Variants in COL24A1 observed in about 807,000 individuals in gnomAD.
COL24A1 encodes collagen alpha-1(XXIV) chain.
COL24A1 carries 224 observed loss-of-function variants against 253.9 expected under a neutral mutation model. That is an observed-to-expected ratio of 0.88 (90% CI 0.79 to 0.99). The LOEUF is 0.99. COL24A1 is among the 50% of genes least tolerant of loss of function. The pLI is 0.00. For synonymous variants in COL24A1, 685 were observed against 673.7 expected (o/e 1.02, Z -0.26); for missense variants, 2,131 against 2,068.5 (o/e 1.03, Z -0.59).
intron 13 of COL24A1, 121 bp from the exon 14 acceptor site, chr1:86,032,043 C>T (rs1698616344): frequency 1.4e-6 from 1 of 699,588 alleles, no homozygotes. Context: ...TCTACTATAG[C>T]TAACTTCTGA....
intron 19 of COL24A1, among the ~76,000 whole-genome samples, chr1:85,996,210 GA>G (rs761321440): frequency 1.3e-5 from 2 of 152,060 alleles, no homozygotes; most frequent in Admixed American, 6.6e-5. Flanking sequence ...TCTTTTGAGA[GA>G]AAATAGAAAT....
intron 24 of COL24A1, among the ~76,000 whole-genome samples, chr1:85,924,594 G>A (rs1686961157): frequency 6.6e-6 from 1 of 152,146 alleles, no homozygotes; most frequent in Non-Finnish European, 1.5e-5. Context: ...AATAGATGCA[G>A]AAAAGGCCTT....
intron 57 of COL24A1, among the ~76,000 whole-genome samples, chr1:85,741,597 C>G (rs1032277463): frequency 2.0e-5 from 3 of 152,104 alleles, no homozygotes; most frequent in African/African-American, 7.2e-5. Context: ...AACTTTTGAC[C>G]CCTACCTCCT....
intron 43 of COL24A1, among the ~76,000 whole-genome samples, chr1:85,834,153 A>G (rs762853389): frequency 1.3e-5 from 2 of 152,104 alleles, no homozygotes; most frequent in Admixed American, 6.6e-5. Flanking sequence ...ATACAAAAAA[A>G]TGGTGAGAGC....
chr1:85,778,461 C>A (rs1668820204), intron 52 of COL24A1, among the ~76,000 whole-genome samples: 1 of 151,892 alleles, frequency 6.6e-6, no homozygotes, highest in Non-Finnish European at 1.5e-5. Flanking sequence ...TTTTCCCAAT[C>A]AATAGTACTT....
In COL24A1 at chr1:85,914,300, ATGAATG is replaced by A. The variant is rs1382959574; in HGVS notation, c.2563-2873_2563-2868del. 4.1e-5 allele frequency among the ~76,000 whole-genome samples: 5 copies of A among 120,864 alleles called. No homozygotes were observed. The East Asian group carries it at 1.3e-3, about 31-fold the overall frequency. The allele number at this position is 120,864 out of a possible 152,430, so 79.3% of individuals were successfully genotyped here. On this transcript the variant is annotated intron_variant, in intron 24 of 59. Transcript: ENST00000370571. ...ATGAGTATTTCATCGTTATTTTGTC[ATGAATG>A]TGTGTGTGTGTGTGTGTGTGTGTGT...
At chr1:85,867,932 A>G (rs313773) in intron 37 of COL24A1, among the ~76,000 whole-genome samples, 119,444 of 151,988 alleles carry the variant, frequency 0.79, 47,297 homozygotes, top group Non-Finnish European at 0.84. Context: ...TTTGGTGGAG[A>G]AGGGGTTTCA....
At position 85,868,829 on chromosome 1, in the gene COL24A1, G is replaced by C. The variant is rs920324835; in HGVS notation, c.3145C>G (p.Pro1049Ala). The change falls in exon 36 of 60, where the codon CCA becomes GCA. Residue 1049 changes from proline (P) to alanine (A), a missense_variant. By Grantham distance (27) the Pro-to-Ala change is conservative. Coordinates refer to ENST00000370571, the MANE Select transcript of COL24A1 (RefSeq NM_152890.7). ...AGACCTTCTTCTCCAGGAGCTCCTGGTTCACCCTATTTTGTAGCAGAAAGA... is the reference window on the plus strand; with the variant it reads ...AGACCTTCTTCTCCAGGAGCTCCTGCTTCACCCTATTTTGTAGCAGAAAGA... ...GTGEPGLRGE[P>A]GAPGEEGLQG... 3 of 1,586,966 alleles carry C rather than the reference G, an allele frequency of 1.9e-6. No homozygotes were observed. Among genetic ancestry groups the C allele is most frequent in the Middle Eastern group, 2.2e-4 (1 of 4,638 alleles).
chr1:85,969,604 C>CAAAAAAAAAAAAAAAAAAAAAA lies in COL24A1; in HGVS notation c.2463+601_2463+622dup, dbSNP rs61128567. 7.3e-5 allele frequency among the ~76,000 whole-genome samples: 2 copies of CAAAAAAAAAAAAAAAAAAAAAA among 27,476 alleles called. 1 individual carries two copies. Among genetic ancestry groups the CAAAAAAAAAAAAAAAAAAAAAA allele is most frequent in the Non-Finnish European group, 1.2e-4 (2 of 16,760 alleles). 18.0% of individuals were successfully genotyped at this position (27,476 alleles called of 152,430 possible). A position where few individuals can be genotyped will look rare whatever the true frequency, so the allele number is the denominator to read the frequency against. On this transcript the variant is annotated intron_variant, in intron 22 of 59. Transcript: ENST00000370571. The stretch of plus-strand genomic sequence containing the variant: ...TGGATGACAGAGTGAGACTCTGTCT[C>CAAAAAAAAAAAAAAAAAAAAAA]AAAAAAAAAAAAAAAAAAAAAAAAA...
intron 43 of COL24A1, among the ~76,000 whole-genome samples, chr1:85,834,010 A>C (rs1261635861): frequency 6.6e-6 from 1 of 151,568 alleles, no homozygotes; most frequent in East Asian, 1.9e-4. Context: ...AGCTATACCT[A>C]ATGCTAAATG....
intron 20 of COL24A1, among the ~76,000 whole-genome samples, chr1:85,976,207 A>T (rs1033813383): frequency 2.6e-5 from 4 of 152,152 alleles, no homozygotes; most frequent in Non-Finnish European, 5.9e-5. Context: ...CGAGGCCTGA[A>T]AGCCTTGCTT....
intron 2 of COL24A1, among the ~76,000 whole-genome samples, chr1:86,136,524 T>C (rs1650277551): frequency 6.6e-6 from 1 of 152,104 alleles, no homozygotes; most frequent in Non-Finnish European, 1.5e-5. Flanking sequence ...GAAGATAGTA[T>C]CTCTTGGTTT....
At chr1:85,838,561 G>A (rs770212757) in intron 43 of COL24A1, 24 bp downstream of exon 43, 6 of 1,601,920 alleles carry the variant, frequency 3.7e-6, no homozygotes, top group Admixed American at 1.7e-5. Context: ...AAATTCATTA[G>A]TAAGGGGTAT....
chr1:86,149,676 T>A (rs1489285124), intron 1 of COL24A1, among the ~76,000 whole-genome samples: 1 of 152,094 alleles, frequency 6.6e-6, no homozygotes, highest in Non-Finnish European at 1.5e-5. Context: ...CATTTAGCAA[T>A]TCAACAAACT....
intron 24 of COL24A1, among the ~76,000 whole-genome samples, chr1:85,916,776 C>G (rs1163024217): frequency 1.3e-5 from 2 of 152,158 alleles, no homozygotes; most frequent in Non-Finnish European, 2.9e-5. Context: ...AAGAAGAACT[C>G]ATACATACAC....
intron 42 of COL24A1, among the ~76,000 whole-genome samples, chr1:85,839,988 C>A (rs927378829): frequency 4.6e-5 from 7 of 152,046 alleles, no homozygotes; most frequent in Non-Finnish European, 8.8e-5. Flanking sequence ...TATTATAGAG[C>A]ATTAATTGAC....
chr1:86,108,500 G>C (rs535077903), intron 5 of COL24A1, among the ~76,000 whole-genome samples: 1 of 151,390 alleles, frequency 6.6e-6, no homozygotes, highest in South Asian at 2.1e-4. Flanking sequence ...AAGGACTCTC[G>C]GGCTGGTCGC....
intron 32 of COL24A1, among the ~76,000 whole-genome samples, chr1:85,881,038 CAT>C (rs549569719): frequency 1.5e-4 from 23 of 152,204 alleles, no homozygotes; most frequent in Non-Finnish European, 2.9e-4. Flanking sequence ...ATAATGGCCT[CAT>C]GTGTGTGGCC....
At chr1:85,941,269 T>C (rs1336191190) in intron 24 of COL24A1, among the ~76,000 whole-genome samples, 2 of 152,194 alleles carry the variant, frequency 1.3e-5, no homozygotes, top group Non-Finnish European at 2.9e-5. Context: ...CTGAGGATTA[T>C]ATCTAAAGAC....
Sources: allele counts gnomAD v4.1 joint callset (sites outside exome capture counted in the v4.1 genomes callset), GRCh38; gene constraint gnomAD v4.1.1; transcripts MANE v1.5; gene names NCBI Gene and HGNC (gene_info 2026-07-23, HGNC 2026-07-21).